FMO1: variants seen among roughly 807,000 people sequenced by gnomAD.
The protein encoded by FMO1 is flavin-containing monooxygenase 1.
In FMO1, 36 loss-of-function variants were observed where a neutral mutation model predicts 45.4. The observed-to-expected ratio is 0.79, with a 90% CI of 0.61 to 1.05. FMO1 has a LOEUF of 1.05. Among genes scored for constraint, FMO1 ranks in the 50% least tolerant of loss-of-function variants. FMO1 has a pLI of 0.00. For synonymous variants in FMO1, 228 were observed against 227.2 expected (o/e 1.00, Z -0.03); for missense variants, 615 against 640.3 (o/e 0.96, Z 0.43).
chr1:171,280,674 G>T, intron 5 of FMO1, 112 bp from the exon 6 acceptor site: 1 of 797,570 alleles, frequency 1.3e-6, no homozygotes, highest in South Asian at 1.6e-5. Flanking sequence ...TGTATTTTGA[G>T]AGTGGCAGAC....
At chr1:171,256,221 C>T (rs1571327491) in intron 1 of FMO1, among the ~76,000 whole-genome samples, 2 of 143,084 alleles carry the variant, frequency 1.4e-5, no homozygotes. Context: ...TGCAGTGAGC[C>T]GAGATCTCAC....
At chr1:171,276,636 C>A (rs1406018853) in intron 4 of FMO1, among the ~76,000 whole-genome samples, 1 of 152,028 alleles carries the variant, frequency 6.6e-6, no homozygotes, top group African/African-American at 2.4e-5. Context: ...GCACTAGGTG[C>A]TAAGAATATA....
chr1:171,270,135 T>G (rs568033280), intron 3 of FMO1, among the ~76,000 whole-genome samples: 1 of 152,110 alleles, frequency 6.6e-6, no homozygotes, highest in South Asian at 2.1e-4. Context: ...AAGAATAGAG[T>G]CCTCATGTAA....
At chr1:171,285,116 A>G in intron 8 of FMO1, 86 bp from the exon 9 acceptor site, 1 of 837,916 alleles carries the variant, frequency 1.2e-6, no homozygotes, top group Middle Eastern at 2.6e-4. Flanking sequence ...CTGCAGCAGT[A>G]TTTGTTTGCT....
intron 2 of FMO1, among the ~76,000 whole-genome samples, chr1:171,266,600 T>C (rs1228596796): frequency 1.3e-5 from 2 of 152,192 alleles, no homozygotes; most frequent in African/African-American, 2.4e-5. Flanking sequence ...TTCAGACAGA[T>C]ACAGGAATCT....
intron 2 of FMO1, among the ~76,000 whole-genome samples, chr1:171,259,863 G>A (rs907297076): frequency 1.1e-4 from 16 of 152,240 alleles, no homozygotes; most frequent in African/African-American, 3.4e-4. Context: ...ACCCTGTGGG[G>A]GACACAAAAA....
chr1:171,267,499 A>G (rs1276419698), intron 2 of FMO1, 44 bp from the exon 3 acceptor site: 1 of 1,452,722 alleles, frequency 6.9e-7, no homozygotes, highest in East Asian at 2.3e-5. Context: ...AGGCTTATTT[A>G]TGAGCATGCA....
chr1:171,284,576 A>G (rs1323673272), intron 8 of FMO1, among the ~76,000 whole-genome samples: 7 of 151,966 alleles, frequency 4.6e-5, no homozygotes, highest in East Asian at 3.9e-4. Context: ...CATCCCTACA[A>G]AAAAAATAAA....
chr1:171,256,070 A>G (rs12139312), intron 1 of FMO1, among the ~76,000 whole-genome samples: 2,241 of 152,088 alleles, frequency 0.015, 22 homozygotes, highest in African/African-American at 0.026. Flanking sequence ...TTAGGAGATC[A>G]AGACCATCCT....
chr1:171,265,067 A>G (rs549033031), intron 2 of FMO1, among the ~76,000 whole-genome samples: 1 of 152,122 alleles, frequency 6.6e-6, no homozygotes, highest in Non-Finnish European at 1.5e-5. Flanking sequence ...GTTTTTTTCC[A>G]ATTAATTGTA....
At chr1:171,271,071 C>T (rs776901582) in intron 3 of FMO1, 28 of 967,192 alleles carry the variant, frequency 2.9e-5, no homozygotes, top group Non-Finnish European at 4.5e-5. Context: ...TGATAAATCC[C>T]TTTTTTGCTG....
At chr1:171,253,533 G>A (rs150228183) in intron 1 of FMO1, among the ~76,000 whole-genome samples, 3 of 152,118 alleles carry the variant, frequency 2.0e-5, no homozygotes, top group Admixed American at 6.5e-5. Context: ...AGGCCGAGGC[G>A]GGTGGATCAC....
In FMO1 at chr1:171,280,804, G is replaced by A. The variant is rs141290489; in HGVS notation, c.646G>A (p.Gly216Arg). 2.5e-5 allele frequency: 41 copies of A among 1,612,838 alleles called. No homozygotes were observed. The highest frequency in any genetic ancestry group is 2.1e-4 in the African/African-American group (16 of 74,964). The change falls in exon 6 of 9, where the codon GGA becomes AGA. Residue 216 changes from glycine (G) to arginine (R), a missense_variant. Gly to Arg is a moderately radical substitution (Grantham distance 125). Transcript: ENST00000617670. Reference protein sequence around the residue: ...LAEKVFLSTTGGGWVISRIFD... With the variant: ...LAEKVFLSTTRGGWVISRIFD... ...CTTCCAGGTGTTCCTCAGCACCACCGGAGGGGGATGGGTGATCAGCCGAAT... is the reference window on the plus strand; with the variant it reads ...CTTCCAGGTGTTCCTCAGCACCACCAGAGGGGGATGGGTGATCAGCCGAAT...
chr1:171,271,537 A>C, intron 3 of FMO1: 1 of 834,932 alleles, frequency 1.2e-6, no homozygotes, highest in Admixed American at 1.7e-5. Context: ...TGCACAAAAA[A>C]TGCATATGAT....
chr1:171,261,460 A>G (rs1362729685), intron 2 of FMO1, among the ~76,000 whole-genome samples: 2 of 152,238 alleles, frequency 1.3e-5, no homozygotes, highest in East Asian at 1.9e-4. Flanking sequence ...GGGAATTCTT[A>G]CTGCCTTAGG....
intron 2 of FMO1, 31 bp from the exon 3 acceptor site, chr1:171,267,512 G>C (rs757459270): frequency 6.6e-7 from 1 of 1,516,230 alleles, no homozygotes; most frequent in South Asian, 1.3e-5. Context: ...AGCATGCAAT[G>C]AATGTTCATG....
At chr1:171,266,705 AAAT>A (rs757044760) in intron 2 of FMO1, among the ~76,000 whole-genome samples, 40 of 152,232 alleles carry the variant, frequency 2.6e-4, no homozygotes, top group Middle Eastern at 3.2e-3. Context: ...CACATAAATT[AAAT>A]AATTTTTATT....
chr1:171,270,264 T>C (rs1028644709), intron 3 of FMO1, among the ~76,000 whole-genome samples: 4 of 152,256 alleles, frequency 2.6e-5, no homozygotes, highest in African/African-American at 9.6e-5. Flanking sequence ...AAGTGGGCTA[T>C]GTGAAATTTC....
intron 2 of FMO1, among the ~76,000 whole-genome samples, chr1:171,258,653 G>A (rs1420205593): frequency 6.6e-6 from 1 of 152,224 alleles, no homozygotes; most frequent in African/African-American, 2.4e-5. Flanking sequence ...GGCTCCGTCT[G>A]CATTACAGAC....
Sources: allele counts gnomAD v4.1 joint callset (sites outside exome capture counted in the v4.1 genomes callset), GRCh38; gene constraint gnomAD v4.1.1; transcripts MANE v1.5; gene names NCBI Gene and HGNC (gene_info 2026-07-23, HGNC 2026-07-21).